ATP10B: variants seen among roughly 807,000 people sequenced by gnomAD.
ATP10B encodes the protein ATPase phospholipid transporting 10B (putative).
ATP10B carries 122 observed loss-of-function variants against 141.2 expected under a neutral mutation model. The ratio of observed to expected loss-of-function variants is 0.86; its 90% CI spans 0.75 to 1.00. ATP10B has a LOEUF of 1.00. ATP10B is among the 50% of genes least tolerant of loss of function. ATP10B has a pLI of 0.00. For missense variants in ATP10B, 1,876 were observed against 1,825.3 expected, an observed-to-expected ratio of 1.03 and a Z score of -0.51; for synonymous variants, 685 against 692.0, an observed-to-expected ratio of 0.99 and a Z score of 0.16.
At chr5:160,590,969 CAGA>C in intron 23 of ATP10B, 87 bp downstream of exon 23, 7 of 1,133,042 alleles carry the variant, frequency 6.2e-6, no homozygotes, top group Non-Finnish European at 9.2e-6. Flanking sequence ...CTAAAGTGTC[CAGA>C]AGGACACTAC....
chr5:160,920,260 C>T, the ATP10B span, among the ~76,000 whole-genome samples: 1 of 152,158 alleles, frequency 6.6e-6, no homozygotes, highest in Non-Finnish European at 1.5e-5. Flanking sequence ...CTTTCTAACT[C>T]CAAAGTCTGA....
At chr5:160,816,872 C>A (rs1170131133) in intron 1 of ATP10B, among the ~76,000 whole-genome samples, 1 of 152,124 alleles carries the variant, frequency 6.6e-6, no homozygotes, top group African/African-American at 2.4e-5. Context: ...AAATGTAATC[C>A]AGCATATAAA....
chr5:160,666,432 A>G (rs1008736941), intron 7 of ATP10B, among the ~76,000 whole-genome samples: 2 of 152,160 alleles, frequency 1.3e-5, no homozygotes, highest in African/African-American at 4.8e-5. Context: ...TAGTTCTGAG[A>G]TGTGTTTCTT....
At chr5:160,881,007 A>G in the ATP10B span, among the ~76,000 whole-genome samples, 5 of 152,322 alleles carry the variant, frequency 3.3e-5, no homozygotes, top group Non-Finnish European at 5.9e-5. Context: ...AAGACAAGAC[A>G]TAGACTGGGA....
intron 1 of ATP10B, among the ~76,000 whole-genome samples, chr5:160,818,648 G>A (rs1277530464): frequency 6.6e-6 from 1 of 152,092 alleles, no homozygotes; most frequent in East Asian, 1.9e-4. Context: ...CCCATTACTG[G>A]GTATATACCC....
the ATP10B span, among the ~76,000 whole-genome samples, chr5:160,899,968 C>T: frequency 6.6e-6 from 1 of 152,186 alleles, no homozygotes; most frequent in Non-Finnish European, 1.5e-5. Context: ...CCCCATCAGC[C>T]ACTCCAAGGG....
chr5:160,620,717 G>T lies in ATP10B; in HGVS notation c.2046C>A (p.Ser682Arg), dbSNP rs200677773. 20 of 1,614,064 alleles carry T rather than the reference G, an allele frequency of 1.2e-5. No individual in the cohort carries two copies. Among genetic ancestry groups the T allele is most frequent in the Non-Finnish European group, 1.6e-5 (19 of 1,180,034 alleles). Reference sequence around the variant, plus strand: ...GGATGTCGCCCTGGTCCCACATGCTGCTCCTGTAGCCACCGTCATCAGTGG... The same window carrying T: ...GGATGTCGCCCTGGTCCCACATGCTTCTCCTGTAGCCACCGTCATCAGTGG... ...GDSTDDGGYR[S>R]SMWDQGDILE... The change falls in exon 15 of 26, where the codon AGC (serine) becomes AGA (arginine). Residue 682 changes from serine to arginine, a missense_variant. Transcript: ENST00000327245.
At chr5:160,819,638 C>T (rs970759056) in intron 1 of ATP10B, among the ~76,000 whole-genome samples, 1 of 151,966 alleles carries the variant, frequency 6.6e-6, no homozygotes, top group Non-Finnish European at 1.5e-5. Flanking sequence ...AAGACATGGA[C>T]AGTAGAAGAT....
the ATP10B span, among the ~76,000 whole-genome samples, chr5:160,904,504 C>CTTGT: frequency 2.6e-5 from 4 of 151,378 alleles, no homozygotes; most frequent in African/African-American, 9.7e-5. Flanking sequence ...TCTGGGTGTG[C>CTTGT]GTGTGTATGT....
At chr5:160,604,075 G>T in intron 19 of ATP10B, 34 bp from the exon 20 acceptor site, 1 of 1,551,374 alleles carries the variant, frequency 6.4e-7, no homozygotes, top group Non-Finnish European at 8.9e-7. Flanking sequence ...CTTTATTTTT[G>T]GTCCAACTGC....
the ATP10B span, among the ~76,000 whole-genome samples, chr5:160,920,237 T>C: frequency 1.3e-5 from 2 of 152,178 alleles, no homozygotes; most frequent in Non-Finnish European, 2.9e-5. Flanking sequence ...CAAAGAAGAA[T>C]TTGAATCGAC....
chr5:160,634,387 T>C lies in ATP10B; in HGVS notation c.1348A>G (p.Ile450Val), dbSNP rs756956499. The change falls in exon 12 of 26, where the codon ATC becomes GTC. Residue 450 changes from isoleucine (I) to valine (V), a missense_variant. Ile to Val is a conservative substitution (Grantham distance 29). Transcript: ENST00000327245. ...ENKMVFRRCT[I>V]MGSEYSHQEN... is the part of the protein sequence containing the mutation. ...TGGTGAGAATACTCGCTGCCCATGA[T>C]GGTGCAACGTCGGAACACCATCTTG... 10 of 1,614,062 alleles carry C rather than the reference T, an allele frequency of 6.2e-6. No homozygotes were observed. Among genetic ancestry groups the C allele is most frequent in the African/African-American group, 1.3e-5 (1 of 74,926 alleles).
chr5:160,675,305 A>C (rs1762955448), intron 6 of ATP10B, among the ~76,000 whole-genome samples: 1 of 152,164 alleles, frequency 6.6e-6, no homozygotes, highest in African/African-American at 2.4e-5. Flanking sequence ...AAGACAAATC[A>C]ACATGGCTCG....
chr5:160,670,581 G>C lies in ATP10B; in HGVS notation c.557C>G (p.Ala186Gly), dbSNP rs763145731. 5 of 1,613,874 alleles carry C rather than the reference G, an allele frequency of 3.1e-6. No homozygotes were observed. The highest frequency in any genetic ancestry group is 1.3e-5 in the African/African-American group (1 of 74,896). The stretch of plus-strand genomic sequence containing the variant: ...AGAGGAAAAAAGGAGGAGTATGTCT[G>C]CTGGGACAATCTCATTGCATTTCAT... ...IQMKCNEIVP[A>G]DILLLFSSDP... Residue 186 changes from alanine (A) to glycine (G), a missense_variant, in exon 7 of 26, where the codon GCA (alanine) becomes GGA (glycine). Ala to Gly is a moderately conservative substitution (Grantham distance 60). Coordinates refer to ENST00000327245, the MANE Select transcript of ATP10B (RefSeq NM_025153.3).
chr5:160,884,179 G>A, the ATP10B span, among the ~76,000 whole-genome samples: 1 of 152,170 alleles, frequency 6.6e-6, no homozygotes, highest in Non-Finnish European at 1.5e-5. Context: ...ACTCTTTTCT[G>A]GAGCCAACCA....
At chr5:160,704,914 C>CATCTTTTTTTTTTTT (rs1764895267) in intron 3 of ATP10B, among the ~76,000 whole-genome samples, 1 of 83,640 alleles carries the variant, frequency 1.2e-5, no homozygotes, top group African/African-American at 5.8e-5. Flanking sequence ...TTTCTTTCAT[C>CATCTTTTTTTTTTTT]TTTTTTTTTT....
chr5:160,825,537 A>T (rs541449474), intron 1 of ATP10B, among the ~76,000 whole-genome samples: 2 of 152,310 alleles, frequency 1.3e-5, no homozygotes, highest in African/African-American at 4.8e-5. Context: ...TCTTTTGTAA[A>T]TTGCCAGTCT....
At chr5:160,894,762 A>G in the ATP10B span, among the ~76,000 whole-genome samples, 3 of 152,188 alleles carry the variant, frequency 2.0e-5, no homozygotes, top group Non-Finnish European at 2.9e-5. Flanking sequence ...CAGATTCACC[A>G]AGGTTGAAAT....
At chr5:160,769,458 C>T (rs11135118) in intron 2 of ATP10B, among the ~76,000 whole-genome samples, 22,050 of 152,194 alleles carry the variant, frequency 0.14, 1,887 homozygotes, top group Admixed American at 0.27. Context: ...CACTGGTAAT[C>T]GCCACATAGG....
Sources: allele counts gnomAD v4.1 joint callset (sites outside exome capture counted in the v4.1 genomes callset), GRCh38; gene constraint gnomAD v4.1.1; transcripts MANE v1.5; gene names NCBI Gene and HGNC (gene_info 2026-07-23, HGNC 2026-07-21).